SLC16A4: variants seen among roughly 807,000 people sequenced by gnomAD.
SLC16A4 encodes solute carrier family 16 member 4, also known as probable monocarboxylate transporter 5.
A neutral mutation model predicts 47.9 loss-of-function variants in SLC16A4; 39 were observed. The observed-to-expected ratio is 0.81, with a 90% CI of 0.63 to 1.06. The LOEUF (loss-of-function observed/expected upper bound fraction) is 1.06. SLC16A4 is among the 50% of genes least tolerant of loss of function. The probability of loss-of-function intolerance (pLI) is 0.00; values close to 1 mark genes in which losing one functional copy is unlikely to be tolerated. For missense variants in SLC16A4, 524 were observed against 573.8 expected (o/e 0.91, Z 0.89); for synonymous variants, 189 against 199.9 (o/e 0.95, Z 0.46).
At chr1:110,379,471 T>G in intron 5 of SLC16A4, 115 bp from the exon 6 acceptor site, 1 of 951,642 alleles carries the variant, frequency 1.1e-6, no homozygotes, top group East Asian at 2.6e-5. Flanking sequence ...TTGAAAACAT[T>G]ACTTTGTCTC....
intron 8 of SLC16A4, chr1:110,370,602 T>C (rs1427989260): frequency 6.6e-6 from 1 of 152,166 alleles, no homozygotes; most frequent in Non-Finnish European, 1.5e-5. Flanking sequence ...AAAACACAAA[T>C]AGACTTGGTG....
intron 8 of SLC16A4, among the ~76,000 whole-genome samples, chr1:110,365,604 C>T (rs1283448551): frequency 6.6e-6 from 1 of 152,048 alleles, no homozygotes; most frequent in Non-Finnish European, 1.5e-5. Flanking sequence ...TGTTATTGAC[C>T]TATAGATCTC....
intron 5 of SLC16A4, chr1:110,379,942 C>G (rs1333677813): frequency 4.0e-5 from 6 of 151,222 alleles, no homozygotes; most frequent in African/African-American, 1.5e-4. Flanking sequence ...CCTGTAGTCC[C>G]AGTTACTTGG....
intron 8 of SLC16A4, among the ~76,000 whole-genome samples, chr1:110,374,021 T>G (rs1189483852): frequency 8.9e-6 from 1 of 112,968 alleles, no homozygotes. Context: ...AGTCTCCTTC[T>G]TTTAATATTT....
chr1:110,390,407 C>T (rs542526968), intron 1 of SLC16A4, among the ~76,000 whole-genome samples: 28 of 152,198 alleles, frequency 1.8e-4, no homozygotes, highest in African/African-American at 6.3e-4. Context: ...CAACGAAATG[C>T]GATACCCGCT....
intron 8 of SLC16A4, chr1:110,370,740 G>A (rs528076075): frequency 6.6e-5 from 10 of 152,122 alleles, no homozygotes; most frequent in East Asian, 1.9e-4. Context: ...ACTATTTGGC[G>A]TTAGAAATGA....
Position 110,375,548 on chromosome 1 carries a change from C to T in SLC16A4, c.1246G>A (p.Asp416Asn). The T allele has an allele frequency of 2.5e-6, 4 of 1,582,448 alleles. No individual in the cohort carries two copies. Among genetic ancestry groups the T allele is most frequent in the Non-Finnish European group, 3.5e-6 (4 of 1,151,312 alleles). Residue 416 changes from aspartate to asparagine, a missense_variant, in exon 8 of 9, where the codon GAT becomes AAT. Physicochemically the swap from Asp to Asn is conservative, Grantham distance 23. Coordinates refer to ENST00000369779, the MANE Select transcript of SLC16A4 (RefSeq NM_004696.3). ...TTTACTGTAGAATTCCTACACAGAT[C>T]AACCTGTAGGAATTAGAATTCAGTG... ...YLALILPVLVDLCRNSTVNRF... is the reference protein window; with the variant it reads ...YLALILPVLVNLCRNSTVNRF...
At chr1:110,379,906 A>C (rs938408242) in intron 5 of SLC16A4, 3 of 152,068 alleles carry the variant, frequency 2.0e-5, no homozygotes, top group African/African-American at 7.3e-5. Flanking sequence ...AAAATACAAA[A>C]AAATTAATTG....
rs772830826 is a variant in SLC16A4, at chr1:110,378,956, G to A, written c.927C>T (p.Leu309=). ...GGATGAAGTATGCTAACTGACTGAG[G>A]AGAAAAGACCAAGTAAATATGTAGA... ...PFFYIFTWSF[L]LSQLAYFIPT... is the part of the protein sequence containing the mutation. Residue 309 remains leucine (L), a synonymous_variant, in exon 6 of 9, where the codon CTC becomes CTT. Coordinates refer to ENST00000369779, the MANE Select transcript of SLC16A4 (RefSeq NM_004696.3). The A allele has an allele frequency of 3.7e-6, 6 of 1,614,132 alleles. No homozygotes were observed. In the South Asian group the frequency reaches 5.5e-5, roughly 15 times the overall value.
chr1:110,375,374 T>A (rs1264696793), intron 8 of SLC16A4, 84 bp downstream of exon 8: 2 of 797,330 alleles, frequency 2.5e-6, no homozygotes, highest in East Asian at 4.9e-5. Context: ...CCTGATACCA[T>A]CATTACATGT....
intron 5 of SLC16A4, 52 bp downstream of exon 5, chr1:110,380,930 C>G (rs1356836660): frequency 6.5e-7 from 1 of 1,527,184 alleles, no homozygotes; most frequent in South Asian, 1.1e-5. Flanking sequence ...AGGGAGAAAG[C>G]TGAACGCTAA....
chr1:110,373,228 C>G (rs187112093), intron 8 of SLC16A4, among the ~76,000 whole-genome samples: 44 of 152,230 alleles, frequency 2.9e-4, no homozygotes, highest in African/African-American at 1.1e-3. Context: ...TGTTGCTTGT[C>G]TTTTTCATTT....
At chr1:110,384,709 T>C (rs754066694) in intron 2 of SLC16A4, among the ~76,000 whole-genome samples, 16 of 152,178 alleles carry the variant, frequency 1.1e-4, no homozygotes, top group Non-Finnish European at 2.4e-4. Context: ...GGCCATGCAT[T>C]GCTTATGAAC....
At chr1:110,379,388 A>G (rs2101039030) in intron 5 of SLC16A4, 32 bp from the exon 6 acceptor site, 1 of 1,560,278 alleles carries the variant, frequency 6.4e-7, no homozygotes, top group Non-Finnish European at 8.7e-7. Flanking sequence ...AATTAAAAAT[A>G]GCCTTTCAGT....
chr1:110,376,065 C>T (rs985149090), intron 7 of SLC16A4, among the ~76,000 whole-genome samples: 9 of 151,786 alleles, frequency 5.9e-5, no homozygotes, highest in African/African-American at 1.2e-4. Flanking sequence ...TTTGTAGAGA[C>T]GGAGTTTCAC....
chr1:110,379,286 A>C lies in SLC16A4; in HGVS notation c.597T>G (p.His199Gln), dbSNP rs1486240482. ...VPSSMLLRPI[H>Q]IKSENNSGIK... ...TACCAGAATTGTTCTCACTTTTGAT[A>C]TGGATGGGTCTTAAGAGCATACTAG... Residue 199 changes from histidine to glutamine, a missense_variant, in exon 6 of 9, where the codon CAT becomes CAG. Transcript: ENST00000369779. The C allele has an allele frequency of 6.2e-7, 1 of 1,614,112 alleles. No individual in the cohort carries two copies. The highest frequency in any genetic ancestry group is 8.5e-7 in the Non-Finnish European group (1 of 1,179,974).
At chr1:110,371,604 C>T (rs1467470439) in intron 8 of SLC16A4, 2 of 152,044 alleles carry the variant, frequency 1.3e-5, no homozygotes, top group Non-Finnish European at 2.9e-5. Context: ...CTCATTTTTC[C>T]ACAGCCTTCC....
At chr1:110,370,394 A>G in intron 8 of SLC16A4, 1 of 152,178 alleles carries the variant, frequency 6.6e-6, no homozygotes, top group East Asian at 1.9e-4. Context: ...AAGGTGACTG[A>G]TAAAACTCTA....
intron 2 of SLC16A4, among the ~76,000 whole-genome samples, chr1:110,388,996 C>T (rs1662880308): frequency 6.6e-6 from 1 of 152,200 alleles, no homozygotes; most frequent in African/African-American, 2.4e-5. Context: ...AGGTGTGAGC[C>T]CCCACACCCA....
Sources: gnomAD v4.1 joint callset for allele counts (sites outside exome capture counted in the v4.1 genomes callset) on GRCh38, gnomAD v4.1.1 for gene constraint, MANE v1.5 for transcripts, NCBI Gene and HGNC (gene_info 2026-07-23, HGNC 2026-07-21) for gene names.